The following NTNG1 variants were observed in gnomAD, a reference collection of about 807,000 sequenced individuals.
NTNG1 encodes the protein netrin G1, also known as netrin-G1.
A neutral mutation model predicts 54.0 loss-of-function variants in NTNG1; 16 were observed. That is an observed-to-expected ratio of 0.30 (90% confidence interval 0.20 to 0.45). The LOEUF (loss-of-function observed/expected upper bound fraction) is 0.45. Ranked by LOEUF, NTNG1 falls within the 20% of genes least tolerant of loss-of-function variation. The probability of loss-of-function intolerance (pLI) is 1.00; values close to 1 mark genes in which losing one functional copy is unlikely to be tolerated. For missense variants in NTNG1, 530 were observed against 678.7 expected, an observed-to-expected ratio of 0.78 and a Z score of 2.43; for synonymous variants, 255 against 263.1, an observed-to-expected ratio of 0.97 and a Z score of 0.30.
intron 2 of NTNG1, among the ~76,000 whole-genome samples, chr1:107,264,920 G>C (rs925531055): frequency 2.0e-5 from 3 of 152,176 alleles, no homozygotes; most frequent in African/African-American, 7.2e-5. Flanking sequence ...GATGTTTTCT[G>C]TGACTTGGGT....
intron 3 of NTNG1, among the ~76,000 whole-genome samples, chr1:107,350,158 C>CT (rs1413980929): frequency 6.6e-6 from 1 of 152,088 alleles, no homozygotes; most frequent in Non-Finnish European, 1.5e-5. Context: ...AAGATAGAAG[C>CT]TCTAAATGTC....
intron 2 of NTNG1, among the ~76,000 whole-genome samples, chr1:107,253,505 T>A (rs977376570): frequency 6.6e-6 from 1 of 152,228 alleles, no homozygotes; most frequent in African/African-American, 2.4e-5. Flanking sequence ...TGTAACCAAT[T>A]TGTGTGTCAC....
At position 107,421,030 on chromosome 1, in the gene NTNG1, T is replaced by G. The variant is rs1674539118; in HGVS notation, c.1088-9720T>G. ...GGGTTGGTGATAAGTTATTACAGTTTGAACGTTTCACTATTGTTTCTAATT... is the reference window on the plus strand; with the variant it reads ...GGGTTGGTGATAAGTTATTACAGTTGGAACGTTTCACTATTGTTTCTAATT... On this transcript the variant is annotated intron_variant, in intron 5 of 7. Transcript: ENST00000370068. The G allele has an allele frequency of 2.4e-6, 3 of 1,257,494 alleles. No homozygotes were observed. The East Asian group carries it at 7.1e-5, about 30-fold the overall frequency. The allele number at this position is 1,257,494 out of a possible 1,614,324, so 77.9% of individuals were successfully genotyped here.
chr1:107,390,091 G>T (rs1672273544), intron 3 of NTNG1, among the ~76,000 whole-genome samples: 1 of 152,152 alleles, frequency 6.6e-6, no homozygotes, highest in Admixed American at 6.5e-5. Flanking sequence ...TTGGAATGGG[G>T]CTGGTGAGGA....
intron 2 of NTNG1, among the ~76,000 whole-genome samples, chr1:107,305,306 C>T (rs1008516304): frequency 2.6e-5 from 4 of 152,148 alleles, no homozygotes; most frequent in African/African-American, 4.8e-5. Flanking sequence ...CTTGAGGAAT[C>T]GCCACACTGT....
intron 3 of NTNG1, among the ~76,000 whole-genome samples, chr1:107,376,812 C>A (rs549116963): frequency 1.3e-5 from 2 of 152,156 alleles, no homozygotes; most frequent in African/African-American, 4.8e-5. Context: ...TTGCTGCCCC[C>A]CCAGCCACCA....
intron 3 of NTNG1, among the ~76,000 whole-genome samples, chr1:107,385,360 C>T (rs540309725): frequency 2.6e-5 from 4 of 152,268 alleles, no homozygotes; most frequent in South Asian, 2.1e-4. Context: ...CTGCCATAGT[C>T]CATGTGGTCC....
chr1:107,395,532 A>T, intron 4 of NTNG1: 2 of 739,510 alleles, frequency 2.7e-6, no homozygotes, highest in South Asian at 2.7e-5. Context: ...TCTAACATTC[A>T]CATCAAATGT....
rs112752871 is a variant in NTNG1 at position 107,178,030 on chromosome 1, C to T, written c.246+29191C>T. Among the ~76,000 whole-genome samples, 21 of 152,138 alleles carry T rather than the reference C, an allele frequency of 1.4e-4. 1 individual carries two copies. The highest frequency in any genetic ancestry group is 4.6e-4 in the African/African-American group (19 of 41,514). On this transcript the variant is annotated intron_variant, in intron 2 of 7. Transcript: ENST00000370068. ...CTTCCATATCCTACCTGCTGTCAGC[C>T]GTATTTTTATTTACACTACTATTCA... is the stretch of plus-strand genomic sequence containing the variant.
chr1:107,467,087 G>T (rs1436037243), intron 7 of NTNG1, among the ~76,000 whole-genome samples: 1 of 151,662 alleles, frequency 6.6e-6, no homozygotes, highest in Non-Finnish European at 1.5e-5. Flanking sequence ...ATTACTTAAT[G>T]TTACTCATGA....
chr1:107,472,141 C>G (rs755573109), intron 7 of NTNG1, among the ~76,000 whole-genome samples: 14 of 152,138 alleles, frequency 9.2e-5, no homozygotes, highest in Non-Finnish European at 1.5e-4. Context: ...TCTCTTTATA[C>G]TACCTCATGC....
chr1:107,219,501 T>C (rs546862701), intron 2 of NTNG1, among the ~76,000 whole-genome samples: 15 of 152,304 alleles, frequency 9.8e-5, no homozygotes, highest in African/African-American at 2.6e-4. Flanking sequence ...TGTTTTGTCA[T>C]GTTACTGGAA....
chr1:107,439,420 G>A (rs763838810), intron 7 of NTNG1, among the ~76,000 whole-genome samples: 1 of 151,840 alleles, frequency 6.6e-6, no homozygotes, highest in Non-Finnish European at 1.5e-5. Context: ...GAGGAAAATC[G>A]GAATCATCAT....
chr1:107,223,220 A>C (rs1044057868), intron 2 of NTNG1, among the ~76,000 whole-genome samples: 1 of 152,014 alleles, frequency 6.6e-6, no homozygotes, highest in Non-Finnish European at 1.5e-5. Flanking sequence ...TACCTTTTGT[A>C]GGGTGAAAAG....
At chr1:107,240,278 T>A (rs6583018) in intron 2 of NTNG1, among the ~76,000 whole-genome samples, 135,303 of 146,510 alleles carry the variant, frequency 0.92, 62,265 homozygotes, top group Non-Finnish European at 0.98. Flanking sequence ...TATCCTTATT[T>A]TTTTTTTTTT....
chr1:107,280,919 T>C (rs3125669), intron 2 of NTNG1, among the ~76,000 whole-genome samples: 2,540 of 151,812 alleles, frequency 0.017, 65 homozygotes, highest in African/African-American at 0.058. Context: ...TGGCTGAGAA[T>C]GAAGGCCAGA....
intron 3 of NTNG1, among the ~76,000 whole-genome samples, chr1:107,354,713 T>G (rs1669837964): frequency 6.6e-6 from 1 of 152,028 alleles, no homozygotes; most frequent in South Asian, 2.1e-4. Context: ...AATACAGTCT[T>G]TCAAAACTTA....
chr1:107,460,815 C>T (rs1677238183), intron 7 of NTNG1, among the ~76,000 whole-genome samples: 1 of 152,190 alleles, frequency 6.6e-6, no homozygotes, highest in African/African-American at 2.4e-5. Context: ...AACAACACTG[C>T]TGTGACACAT....
At chr1:107,428,161 C>A (rs764905271) in intron 5 of NTNG1, among the ~76,000 whole-genome samples, 10 of 152,066 alleles carry the variant, frequency 6.6e-5, no homozygotes, top group Admixed American at 2.6e-4. Context: ...TAACTTCATA[C>A]CTTTGCCCAC....
Sources: gnomAD v4.1 joint callset for allele counts (sites outside exome capture counted in the v4.1 genomes callset) on GRCh38, gnomAD v4.1.1 for gene constraint, MANE v1.5 for transcripts, NCBI Gene and HGNC (gene_info 2026-07-23, HGNC 2026-07-21) for gene names.